Variants in CAMK4 observed in about 807,000 individuals in gnomAD.
CAMK4 encodes the protein calcium/calmodulin-dependent protein kinase type IV.
A neutral mutation model predicts 44.9 loss-of-function variants in CAMK4; 22 were observed. That is an observed-to-expected ratio of 0.49 (90% CI 0.35 to 0.70). The LOEUF is 0.70. Among genes scored for constraint, CAMK4 ranks in the 30% least tolerant of loss-of-function variants. The pLI, the probability that CAMK4 is intolerant of heterozygous loss-of-function variation, is 0.01. For synonymous variants in CAMK4, 218 were observed against 215.4 expected (o/e 1.01, Z -0.11); for missense variants, 498 against 586.8 (o/e 0.85, Z 1.56).
intron 1 of CAMK4, among the ~76,000 whole-genome samples, chr5:111,245,910 C>T (rs1749214032): frequency 6.6e-6 from 1 of 152,172 alleles, no homozygotes; most frequent in South Asian, 2.1e-4. Flanking sequence ...TTGTGTTCAG[C>T]CAAAGCATGT....
intron 3 of CAMK4, 88 bp downstream of exon 3, chr5:111,375,000 A>T: frequency 1.3e-6 from 1 of 779,882 alleles, no homozygotes; most frequent in Non-Finnish European, 2.1e-6. Context: ...TGATAATGAG[A>T]AGGGATTCTC....
intron 5 of CAMK4, among the ~76,000 whole-genome samples, chr5:111,426,546 C>T (rs1244446409): frequency 1.3e-5 from 2 of 152,192 alleles, no homozygotes; most frequent in Non-Finnish European, 2.9e-5. Context: ...AACCCCAAAT[C>T]AGGTGAGCTC....
At chr5:111,225,746 C>G (rs1051434359) in intron 1 of CAMK4, among the ~76,000 whole-genome samples, 2 of 152,158 alleles carry the variant, frequency 1.3e-5, no homozygotes, top group Non-Finnish European at 2.9e-5. Flanking sequence ...TCACTGCCCA[C>G]TCTCCCCCCA....
chr5:111,300,538 T>A (rs2112645227), intron 1 of CAMK4, among the ~76,000 whole-genome samples: 1 of 152,354 alleles, frequency 6.6e-6, no homozygotes, highest in South Asian at 2.1e-4. Flanking sequence ...TTTTATTTTC[T>A]CCTTTTTTGT....
chr5:111,433,562 A>T (rs746711061), intron 5 of CAMK4, among the ~76,000 whole-genome samples: 1 of 152,198 alleles, frequency 6.6e-6, no homozygotes, highest in African/African-American at 2.4e-5. Context: ...AACAAGTTAC[A>T]ATCCTACCCA....
chr5:111,275,251 T>A (rs897321428), intron 1 of CAMK4, among the ~76,000 whole-genome samples: 1 of 152,126 alleles, frequency 6.6e-6, no homozygotes, highest in African/African-American at 2.4e-5. Flanking sequence ...GAATGTTTCT[T>A]ACTTTGTATT....
chr5:111,444,905 C>T (rs1452249388), intron 5 of CAMK4, among the ~76,000 whole-genome samples: 1 of 152,126 alleles, frequency 6.6e-6, no homozygotes, highest in South Asian at 2.1e-4. Flanking sequence ...TTAAACCAAA[C>T]TTAAGACACA....
intron 1 of CAMK4, among the ~76,000 whole-genome samples, chr5:111,237,851 GTCTA>G (rs1385719514): frequency 6.6e-6 from 1 of 152,208 alleles, no homozygotes; most frequent in Non-Finnish European, 1.5e-5. Context: ...TCTGTTCCAT[GTCTA>G]TCTATATTTG....
intron 4 of CAMK4, among the ~76,000 whole-genome samples, chr5:111,388,153 T>A (rs969245096): frequency 2.6e-5 from 4 of 152,184 alleles, no homozygotes; most frequent in South Asian, 4.1e-4. Flanking sequence ...GGGTGATGGT[T>A]GGCCAAGATG....
intron 1 of CAMK4, among the ~76,000 whole-genome samples, chr5:111,308,488 C>G: frequency 6.6e-6 from 1 of 152,054 alleles, no homozygotes; most frequent in Admixed American, 6.6e-5. Flanking sequence ...GTAGTTATTA[C>G]TTTTCATTCA....
intron 1 of CAMK4, among the ~76,000 whole-genome samples, chr5:111,242,490 A>G (rs1749047648): frequency 6.6e-6 from 1 of 151,448 alleles, no homozygotes; most frequent in African/African-American, 2.4e-5. Context: ...ATCATTTGGA[A>G]CTCTTTCCTA....
chr5:111,265,135 C>T (rs139156371), intron 1 of CAMK4, among the ~76,000 whole-genome samples: 145 of 152,232 alleles, frequency 9.5e-4, no homozygotes, highest in Non-Finnish European at 1.2e-3. Flanking sequence ...CCCATGAAGG[C>T]AAGGATCTTG....
At chr5:111,327,491 C>T (rs1302439520) in intron 1 of CAMK4, among the ~76,000 whole-genome samples, 1 of 152,112 alleles carries the variant, frequency 6.6e-6, no homozygotes, top group Admixed American at 6.6e-5. Flanking sequence ...GTCTTTATAG[C>T]AGCATGATTT....
intron 1 of CAMK4, among the ~76,000 whole-genome samples, chr5:111,323,934 A>G (rs918760215): frequency 2.0e-5 from 3 of 152,206 alleles, no homozygotes; most frequent in East Asian, 1.9e-4. Flanking sequence ...GAAGTAAAAT[A>G]TAGGATAATA....
chr5:111,285,105 T>G (rs529677704), intron 1 of CAMK4, among the ~76,000 whole-genome samples: 1 of 152,140 alleles, frequency 6.6e-6, no homozygotes, highest in Non-Finnish European at 1.5e-5. Context: ...GGCTGGAGCA[T>G]AAAAATAAAG....
chr5:111,482,053 T>C lies in CAMK4; in HGVS notation c.829-732T>C, dbSNP rs1019057813. On this transcript the variant is annotated intron_variant, in intron 9 of 10. Coordinates refer to ENST00000282356, the MANE Select transcript of CAMK4 (RefSeq NM_001744.6). The surrounding 1 kb of genome is among the most constrained non-coding windows in gnomAD (Gnocchi z 4.9). Reference sequence around the variant, plus strand: ...GACTCCCAATAGTCTCTGCCTCATATCAGGTCACCCCTACTAAGCCCAGGA... The same window carrying C: ...GACTCCCAATAGTCTCTGCCTCATACCAGGTCACCCCTACTAAGCCCAGGA... 1 of 152,118 alleles carries C rather than the reference T, an allele frequency of 6.6e-6. No homozygotes were observed. Among genetic ancestry groups the C allele is most frequent in the Non-Finnish European group, 1.5e-5 (1 of 68,058 alleles). The allele number at this position is 152,118 out of a possible 1,614,324, so 9.4% of individuals were successfully genotyped here. A position where few individuals can be genotyped will look rare whatever the true frequency, so the allele number is the denominator to read the frequency against.
intron 1 of CAMK4, among the ~76,000 whole-genome samples, chr5:111,244,130 G>A (rs987320565): frequency 1.3e-5 from 2 of 152,046 alleles, no homozygotes; most frequent in African/African-American, 4.8e-5. Context: ...ACAGAAAGCT[G>A]GGCTTAAACC....
chr5:111,395,211 C>CAAAAAAA (rs1175802762), intron 5 of CAMK4, among the ~76,000 whole-genome samples: 1 of 90,672 alleles, frequency 1.1e-5, no homozygotes, highest in Non-Finnish European at 2.2e-5. Context: ...GACCCTGTCT[C>CAAAAAAA]AAAAAAAAAA....
Position 111,482,711 on chromosome 5 carries a change from G to A in CAMK4, c.829-74G>A. 1 of 1,233,750 alleles carries A rather than the reference G, an allele frequency of 8.1e-7. No individual in the cohort carries two copies. Among genetic ancestry groups the A allele is most frequent in the Admixed American group, 2.3e-5 (1 of 43,944 alleles). 76.4% of individuals were successfully genotyped at this position (1,233,750 alleles called of 1,614,324 possible). On this transcript the variant is annotated intron_variant, in intron 9 of 10. Transcript: ENST00000282356. The surrounding 1 kb of genome is among the most constrained non-coding windows in gnomAD (Gnocchi z 4.9). ...CTGCTGGGAAATGGAATAAGATCTG[G>A]AAGTTTGTAAGCTGAGGGCAAGCCC...
Sources: allele counts gnomAD v4.1 joint callset (sites outside exome capture counted in the v4.1 genomes callset), GRCh38; gene constraint gnomAD v4.1.1; non-coding constraint Gnocchi (gnomAD v3.1); transcripts MANE v1.5; gene names NCBI Gene and HGNC (gene_info 2026-07-23, HGNC 2026-07-21).